SETD1B: variants seen among roughly 807,000 people sequenced by gnomAD.
The protein encoded by SETD1B is SET domain containing 1B, histone lysine methyltransferase.
A neutral mutation model predicts 148.0 loss-of-function variants in SETD1B; 7 were observed. The ratio of observed to expected loss-of-function variants is 0.05; its 90% CI spans 0.03 to 0.09. SETD1B has a LOEUF of 0.09. Ranked by LOEUF, SETD1B falls within the 10% of genes least tolerant of loss-of-function variation. SETD1B has a pLI of 1.00. For synonymous variants in SETD1B, 1,361 were observed against 1,186.5 expected (o/e 1.15, Z -3.02); for missense variants, 2,155 against 2,729.9 (o/e 0.79, Z 4.69).
At chr12:121,797,574 G>A in the SETD1B span, 1 of 456,570 alleles carries the variant, frequency 2.2e-6, no homozygotes, top group Admixed American at 2.3e-5. Flanking sequence ...GACCACAGCT[G>A]AGCACCCAAC....
At chr12:121,824,430 C>G (rs565791253) in intron 12 of SETD1B, among the ~76,000 whole-genome samples, 1 of 152,022 alleles carries the variant, frequency 6.6e-6, no homozygotes, top group East Asian at 1.9e-4. Context: ...ACGGATCACT[C>G]GAGGCCAGAA....
rs934965250 is a variant in SETD1B at position 121,810,936 on chromosome 12, C to T, written c.1890+101C>T. ...AGCATGACTAGCTAAGATGCGGAAG[C>T]AATGGGGCTAGGAAAGCCAATATAA... On this transcript the variant is annotated intron_variant, in intron 6 of 16. Coordinates refer to ENST00000604567, the MANE Select transcript of SETD1B (RefSeq NM_001353345.2). This position sits in a 1 kb window ranked among gnomAD's most constrained non-coding sequence, Gnocchi z 7.6. 14 of 1,375,724 alleles carry T rather than the reference C, an allele frequency of 1.0e-5. 1 individual carries two copies. The South Asian group carries it at 1.1e-4, about 11-fold the overall frequency. The allele number at this position is 1,375,724 out of a possible 1,614,324, so 85.2% of individuals were successfully genotyped here.
At chr12:121,815,041 C>CCACTAT in intron 7 of SETD1B, 111 bp downstream of exon 7, 9 of 1,011,406 alleles carry the variant, frequency 8.9e-6, no homozygotes, top group Non-Finnish European at 9.9e-6. Context: ...GCCGTGGACC[C>CCACTAT]CACTATGGGA....
At position 121,809,661 on chromosome 12, in the gene SETD1B, GCTC is replaced by G. The variant is rs773509280; in HGVS notation, c.723_725del (p.Ser242del). ...GGCCTGTCTGCAGGCTGTGGCTCCGGCTCCTCCTCTGTCACCCCCAATAGCGGT... is the reference window on the plus strand; with the variant it reads ...GGCCTGTCTGCAGGCTGTGGCTCCGGCTCCTCTGTCACCCCCAATAGCGGT... On this transcript the variant is annotated inframe_deletion, in exon 6 of 17. Coordinates refer to ENST00000604567, the MANE Select transcript of SETD1B (RefSeq NM_001353345.2). 38 of 1,551,452 alleles carry G rather than the reference GCTC, an allele frequency of 2.4e-5. No homozygotes were observed. The Admixed American group carries it at 3.3e-4, about 14-fold the overall frequency.
In SETD1B at chr12:121,804,904, G is replaced by A. The variant is rs1247959969; in HGVS notation, c.167G>A (p.Ser56Asn). The stretch of plus-strand genomic sequence containing the variant: ...TACCGCTACGATGGGCAGCATTTCA[G>A]CCTGGCGGTGAGTAGCCGGCGCGCC... The part of the protein sequence containing the change: ...KLYRYDGQHF[S>N]LAMSSNRPVE... The change falls in exon 2 of 17, where the codon AGC (serine) becomes AAC (asparagine). Residue 56 changes from serine (S) to asparagine (N), a missense_variant. This residue lies in a region of SETD1B where 124 missense variants were observed against 282.9 expected (regional missense o/e 0.44). Coordinates refer to ENST00000604567, the MANE Select transcript of SETD1B (RefSeq NM_001353345.2). This position sits in a 1 kb window ranked among gnomAD's most constrained non-coding sequence, Gnocchi z 4.6. 6.6e-7 allele frequency: 1 copy of A among 1,510,242 alleles called. No homozygotes were observed. The highest frequency in any genetic ancestry group is 8.9e-7 in the Non-Finnish European group (1 of 1,128,074). The allele number at this position is 1,510,242 out of a possible 1,614,324, so 93.6% of individuals were successfully genotyped here. A position where few individuals can be genotyped will look rare whatever the true frequency, so the allele number is the denominator to read the frequency against.
Position 121,810,358 on chromosome 12 carries a change from C to A in SETD1B, c.1413C>A (p.Gly471=). The A allele has an allele frequency of 6.5e-7, 1 of 1,547,254 alleles. No individual in the cohort carries two copies. The highest frequency in any genetic ancestry group is 8.7e-7 in the Non-Finnish European group (1 of 1,146,790). The change falls in exon 6 of 17, where the codon GGC becomes GGA. Residue 471 remains glycine (G), a synonymous_variant. Transcript: ENST00000604567. The surrounding 1 kb of genome is among the most constrained non-coding windows in gnomAD (Gnocchi z 7.6). Reference sequence around the variant, plus strand: ...AGCTGGGCGGCCGGCCCACCTTCGGCTGGAGTCCTGAGCCCTGTGACAGCC... The same window carrying A: ...AGCTGGGCGGCCGGCCCACCTTCGGATGGAGTCCTGAGCCCTGTGACAGCC... ...SMELGGRPTF[G]WSPEPCDSPG... is the part of the protein sequence containing the mutation.
chr12:121,806,037 A>G lies in SETD1B; in HGVS notation c.476A>G (p.Asp159Gly). The G allele has an allele frequency of 6.4e-7, 1 of 1,551,708 alleles. No homozygotes were observed. Among genetic ancestry groups the G allele is most frequent in the Non-Finnish European group, 8.7e-7 (1 of 1,146,996 alleles). Residue 159 changes from aspartate to glycine, a missense_variant, in exon 4 of 17, where the codon GAT becomes GGT. Physicochemically the swap from Asp to Gly is moderately conservative, Grantham distance 94. Transcript: ENST00000604567. ...TTTGCCACGGTCCGGGGAGCCAAGG[A>G]TGCCGTTCAGCACTTGCACAGCACT... ...VVFATVRGAK[D>G]AVQHLHSTSV...
rs115412962 is a variant in SETD1B at position 121,824,655 on chromosome 12, A to C, written c.5171-545A>C. Among the ~76,000 whole-genome samples the C allele has an allele frequency of 1.5e-3, 235 of 152,020 alleles. 1 individual carries two copies. The highest frequency in any genetic ancestry group is 4.6e-3 in the African/African-American group (191 of 41,356). On this transcript the variant is annotated intron_variant, in intron 12 of 16. Transcript: ENST00000604567. Reference sequence around the variant, plus strand: ...GAACAAGACTCTGTCTCAAAAAAAAAAAAAAACTCTGCTAAGGACCATAAG... The same window carrying C: ...GAACAAGACTCTGTCTCAAAAAAAACAAAAAACTCTGCTAAGGACCATAAG...
chr12:121,810,538 C>T lies in SETD1B; in HGVS notation c.1593C>T (p.Ser531=). Residue 531 remains serine, a synonymous_variant, in exon 6 of 17, where the codon AGC becomes AGT. Coordinates refer to ENST00000604567, the MANE Select transcript of SETD1B (RefSeq NM_001353345.2). This position sits in a 1 kb window ranked among gnomAD's most constrained non-coding sequence, Gnocchi z 7.6. ...DSDTELQMEG[S]PISSSSSQLS... is the part of the protein sequence containing the mutation. Reference sequence around the variant, plus strand: ...ACACCGAGCTGCAGATGGAGGGCAGCCCCATCTCCTCCTCCTCCTCCCAGC... The same window carrying T: ...ACACCGAGCTGCAGATGGAGGGCAGTCCCATCTCCTCCTCCTCCTCCCAGC... 2 of 1,546,614 alleles carry T rather than the reference C, an allele frequency of 1.3e-6. No individual in the cohort carries two copies. Among genetic ancestry groups the T allele is most frequent in the African/African-American group, 1.4e-5 (1 of 73,178 alleles).
Position 121,814,585 on chromosome 12 carries a change from C to T in SETD1B, c.2370C>T (p.Gly790=), listed in dbSNP as rs750012657. Residue 790 remains glycine, a synonymous_variant, in exon 7 of 17, where the codon GGC becomes GGT. Coordinates refer to ENST00000604567, the MANE Select transcript of SETD1B (RefSeq NM_001353345.2). ...QVLSRLMTGQ[G]ACPYPPFMAA... ...TCAGCCGGCTGATGACGGGCCAGGGCGCCTGCCCCTACCCGCCCTTCATGG... is the reference window on the plus strand; with the variant it reads ...TCAGCCGGCTGATGACGGGCCAGGGTGCCTGCCCCTACCCGCCCTTCATGG... The T allele has an allele frequency of 4.1e-5, 63 of 1,525,710 alleles. No individual in the cohort carries two copies. The highest frequency in any genetic ancestry group is 3.1e-4 in the South Asian group (25 of 81,218). 94.5% of individuals were successfully genotyped at this position (1,525,710 alleles called of 1,614,324 possible). A position where few individuals can be genotyped will look rare whatever the true frequency, so the allele number is the denominator to read the frequency against.
upstream of SETD1B, chr12:121,799,722 G>GGGTGGGGGT (rs1555335215): frequency 4.1e-5 from 5 of 123,068 alleles, no homozygotes; most frequent in Admixed American, 7.9e-5. Context: ...GCAGCTGGGG[G>GGGTGGGGGT]GGGGGGGGTG....
chr12:121,805,343 G>T lies in SETD1B; in HGVS notation c.273+127G>T. On this transcript the variant is annotated intron_variant, in intron 3 of 16. Transcript: ENST00000604567. The surrounding 1 kb of genome is among the most constrained non-coding windows in gnomAD (Gnocchi z 4.2). The stretch of plus-strand genomic sequence containing the variant: ...GTCCGGGGCCAGGGAAGTTTTGGCG[G>T]GGAGGGGTAGAGCGCTGGCGAGAGG... 1 of 777,992 alleles carries T rather than the reference G, an allele frequency of 1.3e-6. No homozygotes were observed. The allele number at this position is 777,992 out of a possible 1,614,324, so 48.2% of individuals were successfully genotyped here.
chr12:121,829,947 GC>G (rs1439090461), intron 16 of SETD1B, 118 bp from the exon 17 acceptor site: 1 of 885,156 alleles, frequency 1.1e-6, no homozygotes, highest in African/African-American at 1.7e-5. Flanking sequence ...AGAGCAGTGG[GC>G]TGGGGGTCAC....
rs768838835 is a variant in SETD1B, at chr12:121,817,139, G to T, written c.2822G>T (p.Gly941Val). The stretch of plus-strand genomic sequence containing the variant: ...CTGGAGTCATGGGGCAAGGGCGAGG[G>T]CCTGGGCTACGAGGGCCTGGGCCTG... ...CLLESWGKGE[G>V]LGYEGLGLGI... The change falls in exon 8 of 17, where the codon GGC (glycine) becomes GTC (valine). Residue 941 changes from glycine (G) to valine (V), a missense_variant. Around this residue, in one of 11 missense-constraint regions of SETD1B, gnomAD observed 289 missense variants for 423.7 expected, o/e 0.68. Coordinates refer to ENST00000604567, the MANE Select transcript of SETD1B (RefSeq NM_001353345.2). This position sits in a 1 kb window ranked among gnomAD's most constrained non-coding sequence, Gnocchi z 8.1. The T allele has an allele frequency of 9.0e-6, 14 of 1,548,726 alleles. No individual in the cohort carries two copies. Among genetic ancestry groups the T allele is most frequent in the African/African-American group, 1.4e-5 (1 of 73,044 alleles).
At chr12:121,828,954 G>C (rs1272903629) in intron 16 of SETD1B, among the ~76,000 whole-genome samples, 2 of 152,180 alleles carry the variant, frequency 1.3e-5, no homozygotes, top group African/African-American at 2.4e-5. Flanking sequence ...TGAATATCCG[G>C]GGAGATCTGA....
At position 121,830,207 on chromosome 12, in the gene SETD1B, G is replaced by A; in HGVS notation, c.5869G>A (p.Gly1957Ser). Reference protein sequence around the residue: ...IEDVKIPCLCGSENCRGTLN With the variant: ...IEDVKIPCLCSSENCRGTLN ...GGACGTCAAGATCCCCTGCCTCTGT[G>A]GCTCCGAGAACTGCCGGGGGACCCT... is the stretch of plus-strand genomic sequence containing the variant. The change falls in exon 17 of 17, where the codon GGC becomes AGC. Residue 1957 changes from glycine (G) to serine (S), a missense_variant. By Grantham distance (56) the Gly-to-Ser change is moderately conservative (BLOSUM62 0). Transcript: ENST00000604567. The surrounding 1 kb of genome is among the most constrained non-coding windows in gnomAD (Gnocchi z 5.7). The A allele has an allele frequency of 6.4e-7, 1 of 1,551,330 alleles. No homozygotes were observed. Among genetic ancestry groups the A allele is most frequent in the East Asian group, 2.4e-5 (1 of 40,928 alleles).
chr12:121,793,179 C>T, the SETD1B span: 1 of 1,550,744 alleles, frequency 6.4e-7, no homozygotes, highest in Non-Finnish European at 8.7e-7. Flanking sequence ...TTCAGGGTCA[C>T]CTCCTTGCTG....
intron 16 of SETD1B, among the ~76,000 whole-genome samples, chr12:121,828,618 G>A (rs1318795698): frequency 1.3e-5 from 2 of 152,148 alleles, no homozygotes; most frequent in Admixed American, 6.5e-5. Context: ...TAGAGGGGAG[G>A]GACACTGATA....
the SETD1B span, among the ~76,000 whole-genome samples, chr12:121,796,523 T>C: frequency 2.6e-5 from 4 of 152,202 alleles, no homozygotes; most frequent in African/African-American, 4.8e-5. Flanking sequence ...CTGAGAACCC[T>C]GCAGAGGGGC....
Sources: gnomAD v4.1 joint callset for allele counts (sites outside exome capture counted in the v4.1 genomes callset) on GRCh38, gnomAD v4.1.1 for gene constraint, gnomAD v4.1.1 regional missense constraint, Gnocchi (gnomAD v3.1) non-coding constraint, MANE v1.5 for transcripts, NCBI Gene and HGNC (gene_info 2026-07-23, HGNC 2026-07-21) for gene names.